TNKS: variants seen among roughly 807,000 people sequenced by gnomAD.
TNKS encodes tankyrase.
Under a neutral mutation model 135.8 loss-of-function variants are expected in TNKS, and 72 were observed. The ratio of observed to expected loss-of-function variants is 0.53; its 90% confidence interval spans 0.44 to 0.64. The LOEUF (loss-of-function observed/expected upper bound fraction) is 0.64, where lower values mean the gene tolerates loss of function less well. TNKS is among the 30% of genes least tolerant of loss of function. The pLI is 0.00. For synonymous variants in TNKS, 849 were observed against 649.3 expected (o/e 1.31, Z -4.68); for missense variants, 1,769 against 1,674.0 (o/e 1.06, Z -0.99).
intron 22 of TNKS, among the ~76,000 whole-genome samples, 160 bp downstream of exon 22, chr8:9,763,404 C>A (rs181107988): frequency 6.6e-6 from 1 of 152,116 alleles, no homozygotes; most frequent in African/African-American, 2.4e-5. Context: ...TAAAATATGA[C>A]GGCGCCCCAT....
In TNKS at chr8:9,566,660, C is replaced by G. The variant is rs1239846572; in HGVS notation, c.673+10048C>G. 17 of 134,222 alleles carry G rather than the reference C, an allele frequency of 1.3e-4. No homozygotes were observed. The East Asian group carries it at 2.4e-3, about 19-fold the overall frequency. The allele number at this position is 134,222 out of a possible 1,614,324, so 8.3% of individuals were successfully genotyped here. On this transcript the variant is annotated intron_variant, in intron 1 of 26. Transcript: ENST00000310430. Reference sequence around the variant, plus strand: ...TCTGTCGCCCAGGCCGGACTGCGGACTGCAGTGGCGCAATCTCGGCTCACT... The same window carrying G: ...TCTGTCGCCCAGGCCGGACTGCGGAGTGCAGTGGCGCAATCTCGGCTCACT...
chr8:9,661,731 A>G (rs1801724363), intron 3 of TNKS, among the ~76,000 whole-genome samples: 1 of 152,246 alleles, frequency 6.6e-6, no homozygotes, highest in African/African-American at 2.4e-5. Flanking sequence ...AAAATTGACA[A>G]ATGGGATCTA....
chr8:9,601,220 G>A lies in TNKS; in HGVS notation c.899-14362G>A, dbSNP rs144184614. Among the ~76,000 whole-genome samples, 418 of 152,256 alleles carry A rather than the reference G, an allele frequency of 2.7e-3. 3 individuals are homozygous for A. Among genetic ancestry groups the A allele is most frequent in the African/African-American group, 9.3e-3 (386 of 41,558 alleles). ...AACACTAAATATTCCTGTTGTTAAG[G>A]TAGCTGAAGTAGTTTTTTTATCTCT... On this transcript the variant is annotated intron_variant, in intron 2 of 26. Coordinates refer to ENST00000310430, the MANE Select transcript of TNKS (RefSeq NM_003747.3).
At chr8:9,706,016 A>T (rs1397126689) in intron 6 of TNKS, among the ~76,000 whole-genome samples, 171 bp from the exon 7 acceptor site, 2 of 152,224 alleles carry the variant, frequency 1.3e-5, no homozygotes, top group African/African-American at 4.8e-5. Flanking sequence ...CAAGATAAAT[A>T]CAAAAGGTGT....
intron 5 of TNKS, among the ~76,000 whole-genome samples, chr8:9,684,916 A>T (rs780489301): frequency 2.6e-5 from 4 of 152,264 alleles, no homozygotes; most frequent in African/African-American, 4.8e-5. Context: ...TTTTGCGGTG[A>T]TACAGTTATA....
At chr8:9,645,027 GT>G (rs1175713307) in intron 3 of TNKS, among the ~76,000 whole-genome samples, 3 of 152,132 alleles carry the variant, frequency 2.0e-5, no homozygotes, top group African/African-American at 7.2e-5. Context: ...TTAAATATAT[GT>G]TTTTTCTTCA....
At chr8:9,686,768 G>A (rs1267620725) in intron 5 of TNKS, among the ~76,000 whole-genome samples, 1 of 152,040 alleles carries the variant, frequency 6.6e-6, no homozygotes, top group Non-Finnish European at 1.5e-5. Flanking sequence ...GAAAAAGCAG[G>A]AACTTGAAGC....
At chr8:9,631,776 T>TTC (rs1554454176) in intron 3 of TNKS, among the ~76,000 whole-genome samples, 159 of 151,996 alleles carry the variant, frequency 1.0e-3, no homozygotes, top group African/African-American at 3.7e-3. Flanking sequence ...TTTTTTTTTT[T>TTC]CAAGAAAAAG....
intron 3 of TNKS, among the ~76,000 whole-genome samples, chr8:9,665,250 G>C (rs926306170): frequency 2.0e-5 from 3 of 152,144 alleles, no homozygotes; most frequent in African/African-American, 7.2e-5. Flanking sequence ...GGCTAGTCTG[G>C]AGTCAGTTTT....
intron 3 of TNKS, among the ~76,000 whole-genome samples, chr8:9,671,663 G>A (rs563920952): frequency 5.9e-5 from 9 of 152,298 alleles, no homozygotes; most frequent in Non-Finnish European, 1.0e-4. Context: ...AATGTTTCCT[G>A]TCTTGAAGTG....
At chr8:9,651,920 C>T (rs1003377193) in intron 3 of TNKS, among the ~76,000 whole-genome samples, 13 of 152,122 alleles carry the variant, frequency 8.5e-5, no homozygotes, top group African/African-American at 3.1e-4. Flanking sequence ...ACTCGAGTTT[C>T]ATAAGGATTA....
At position 9,748,044 on chromosome 8, in the gene TNKS, A is replaced by T. The variant is rs762951661; in HGVS notation, c.2664A>T (p.Leu888Phe). ...ASYGHVDIAA[L>F]LIKYNTCVNA... Reference sequence around the variant, plus strand: ...TTCAGCATGTTGACATAGCGGCTTTATTGATAAAATACAACACGTGTGTAA... The same window carrying T: ...TTCAGCATGTTGACATAGCGGCTTTTTTGATAAAATACAACACGTGTGTAA... Residue 888 changes from leucine (L) to phenylalanine (F), a missense_variant, in exon 18 of 27, where the codon TTA (leucine) becomes TTT (phenylalanine). Leu to Phe is a conservative substitution (Grantham distance 22). This residue lies in a region of TNKS where 722 missense variants were observed against 688.9 expected (regional missense o/e 1.05). Coordinates refer to ENST00000310430, the MANE Select transcript of TNKS (RefSeq NM_003747.3). 1.2e-6 allele frequency: 2 copies of T among 1,607,734 alleles called. No homozygotes were observed. Among genetic ancestry groups the T allele is most frequent in the Admixed American group, 3.4e-5 (2 of 58,252 alleles).
intron 3 of TNKS, among the ~76,000 whole-genome samples, chr8:9,654,966 G>A (rs1329792574): frequency 2.6e-5 from 4 of 152,216 alleles, no homozygotes; most frequent in African/African-American, 9.6e-5. Context: ...CACCTGGGAA[G>A]CGCAAGGGGT....
intron 1 of TNKS, chr8:9,575,187 C>T (rs1797900621): frequency 3.2e-6 from 2 of 620,568 alleles, no homozygotes; most frequent in East Asian, 1.4e-4. Context: ...CCCGGGTTCA[C>T]GCCATTCTCC....
chr8:9,677,215 A>G (rs1802579207), intron 3 of TNKS, among the ~76,000 whole-genome samples: 1 of 152,220 alleles, frequency 6.6e-6, no homozygotes, highest in Non-Finnish European at 1.5e-5. Context: ...TTAAAGTACT[A>G]GGATCTCTAG....
chr8:9,654,220 C>T (rs1430950777), intron 3 of TNKS, among the ~76,000 whole-genome samples: 1 of 152,150 alleles, frequency 6.6e-6, no homozygotes, highest in Non-Finnish European at 1.5e-5. Flanking sequence ...AGCAATTCCC[C>T]AAATCATACT....
At chr8:9,691,250 A>G (rs1453764975) in intron 5 of TNKS, among the ~76,000 whole-genome samples, 1 of 118,558 alleles carries the variant, frequency 8.4e-6, no homozygotes, top group African/African-American at 3.1e-5. Context: ...TATTCTTTCC[A>G]ATTTCAATAT....
chr8:9,752,270 AT>A (rs1261458473), intron 19 of TNKS, among the ~76,000 whole-genome samples: 1 of 152,046 alleles, frequency 6.6e-6, no homozygotes, highest in African/African-American at 2.4e-5. Flanking sequence ...TATTCTCTAT[AT>A]TTTTATAAAT....
chr8:9,679,533 G>C (rs1360511984), intron 3 of TNKS, among the ~76,000 whole-genome samples: 4 of 151,878 alleles, frequency 2.6e-5, no homozygotes, highest in African/African-American at 4.8e-5. Flanking sequence ...TAGAAGACTA[G>C]TAATTTGTAC....
Sources: allele counts gnomAD v4.1 joint callset (sites outside exome capture counted in the v4.1 genomes callset), GRCh38; gene constraint gnomAD v4.1.1; regional missense constraint gnomAD v4.1.1; transcripts MANE v1.5; gene names NCBI Gene and HGNC (gene_info 2026-07-23, HGNC 2026-07-21).